CTDSP2: variants seen among roughly 807,000 people sequenced by gnomAD.
CTDSP2 encodes carboxy-terminal domain RNA polymerase II polypeptide A small phosphatase 2.
CTDSP2 carries 9 observed loss-of-function variants against 31.6 expected under a neutral mutation model. That is an observed-to-expected ratio of 0.28 (90% CI 0.17 to 0.50). CTDSP2 has a LOEUF of 0.50. Ranked by LOEUF, CTDSP2 falls within the 20% of genes least tolerant of loss-of-function variation. The pLI, the probability that CTDSP2 is intolerant of heterozygous loss-of-function variation, is 0.98. For synonymous variants in CTDSP2, 134 were observed against 134.5 expected (o/e 1.00, Z 0.03); for missense variants, 267 against 348.5 (o/e 0.77, Z 1.86).
Position 57,820,355 on chromosome 12 carries a change from A to G in CTDSP2, c.*3247T>C, listed in dbSNP as rs1956137254. ...AACTAAACCCGTTTAGGAAAAAGGGACCGAGGGACAGCAGTGGTTAAGTAA... is the reference window on the plus strand; with the variant it reads ...AACTAAACCCGTTTAGGAAAAAGGGGCCGAGGGACAGCAGTGGTTAAGTAA... On this transcript the variant is annotated 3_prime_UTR_variant, in exon 8 of 8. Coordinates refer to ENST00000398073, the MANE Select transcript of CTDSP2 (RefSeq NM_005730.4). The G allele has an allele frequency of 1.3e-5, 2 of 152,248 alleles. No homozygotes were observed. Among genetic ancestry groups the G allele is most frequent in the Admixed American group, 1.3e-4 (2 of 15,282 alleles). The allele number at this position is 152,248 out of a possible 1,614,324, so 9.4% of individuals were successfully genotyped here. A position where few individuals can be genotyped will look rare whatever the true frequency, so the allele number is the denominator to read the frequency against.
At chr12:57,834,305 A>G (rs912149559) in intron 1 of CTDSP2, among the ~76,000 whole-genome samples, 2 of 152,164 alleles carry the variant, frequency 1.3e-5, no homozygotes, top group African/African-American at 4.8e-5. Flanking sequence ...CTAGGACTAC[A>G]GTCTTCTTGG....
intron 4 of CTDSP2, 98 bp from the exon 5 acceptor site, chr12:57,826,500 A>T (rs1956184011): frequency 4.2e-6 from 5 of 1,183,626 alleles, no homozygotes; most frequent in Non-Finnish European, 5.0e-6. Context: ...GGTCTTAAAG[A>T]CTCCTGGAAG....
Position 57,822,324 on chromosome 12 carries a change from G to A in CTDSP2, c.*1278C>T, listed in dbSNP as rs1956151663. The A allele has an allele frequency of 6.6e-6, 1 of 152,226 alleles. No homozygotes were observed. The highest frequency in any genetic ancestry group is 2.4e-5 in the African/African-American group (1 of 41,452). The allele number at this position is 152,226 out of a possible 1,614,324, so 9.4% of individuals were successfully genotyped here. ...CCTTTGAAAGCAGGAGACACCCAGA[G>A]TGCAGGTCTGAGGGGCTCACTCACT... On this transcript the variant is annotated 3_prime_UTR_variant, in exon 8 of 8. Transcript: ENST00000398073.
intron 5 of CTDSP2, chr12:57,824,725 G>A: frequency 1.9e-6 from 1 of 531,354 alleles, no homozygotes; most frequent in Non-Finnish European, 3.8e-6. Flanking sequence ...GGCTCCGACA[G>A]GACAGTCTGT....
intron 4 of CTDSP2, 63 bp from the exon 5 acceptor site, chr12:57,826,465 A>AC: frequency 1.3e-6 from 2 of 1,483,554 alleles, no homozygotes; most frequent in Middle Eastern, 1.7e-4. Flanking sequence ...CCCCCACCAT[A>AC]CCCCTAGGTG....
Position 57,823,722 on chromosome 12 carries a change from A to G in CTDSP2, c.696T>C (p.Pro232=). The change falls in exon 8 of 8, where the codon CCT becomes CCC. Residue 232 remains proline, a synonymous_variant. Coordinates refer to ENST00000398073, the MANE Select transcript of CTDSP2 (RefSeq NM_005730.4). ...CCATGTCATCAAACCAGGACTGCACAGGCACCTGGTGGGGGGAAGATGTGG... is the reference window on the plus strand; with the variant it reads ...CCATGTCATCAAACCAGGACTGCACGGGCACCTGGTGGGGGGAAGATGTGG... The part of the protein sequence containing the change: ...SYIFHPENAV[P]VQSWFDDMAD... The G allele has an allele frequency of 6.2e-7, 1 of 1,613,964 alleles. No homozygotes were observed. The highest frequency in any genetic ancestry group is 8.5e-7 in the Non-Finnish European group (1 of 1,179,988).
chr12:57,827,380 T>C, intron 3 of CTDSP2, 172 bp downstream of exon 3: 1 of 705,066 alleles, frequency 1.4e-6, no homozygotes, highest in Non-Finnish European at 2.4e-6. Context: ...TCCCCTAAAA[T>C]CTAATGCCTT....
intron 1 of CTDSP2, among the ~76,000 whole-genome samples, chr12:57,832,150 T>A (rs1271458705): frequency 1.3e-5 from 2 of 152,216 alleles, no homozygotes; most frequent in African/African-American, 4.8e-5. Flanking sequence ...ATGCTCTCTC[T>A]CTCTCTCCTC....
rs192976196 is a variant in CTDSP2 at position 57,843,283 on chromosome 12, G to A, written c.64+3089C>T. 1.1e-3 allele frequency among the ~76,000 whole-genome samples: 161 copies of A among 152,230 alleles called. 1 individual carries two copies. Among genetic ancestry groups the A allele is most frequent in the African/African-American group, 3.7e-3 (152 of 41,540 alleles). ...AGCAATGGGGTGACAATCTCATATAGAGCTGCAATCAACAGCCATTCTTGC... is the reference window on the plus strand; with the variant it reads ...AGCAATGGGGTGACAATCTCATATAAAGCTGCAATCAACAGCCATTCTTGC... On this transcript the variant is annotated intron_variant, in intron 1 of 7. Coordinates refer to ENST00000398073, the MANE Select transcript of CTDSP2 (RefSeq NM_005730.4).
intron 1 of CTDSP2, among the ~76,000 whole-genome samples, chr12:57,839,589 G>T (rs916179443): frequency 6.6e-6 from 1 of 152,092 alleles, no homozygotes; most frequent in Non-Finnish European, 1.5e-5. Context: ...GTGGTGGCGG[G>T]CGCCTGTAGT....
Position 57,821,725 on chromosome 12 carries a change from G to T in CTDSP2, c.*1877C>A, listed in dbSNP as rs1956146219. On this transcript the variant is annotated 3_prime_UTR_variant, in exon 8 of 8. Coordinates refer to ENST00000398073, the MANE Select transcript of CTDSP2 (RefSeq NM_005730.4). The stretch of plus-strand genomic sequence containing the variant: ...GCACATGGGGTCCTTCTCCCTTTAG[G>T]TACACCGGGACCCCATAGGCACCGG... 1 of 152,168 alleles carries T rather than the reference G, an allele frequency of 6.6e-6. No individual in the cohort carries two copies. The highest frequency in any genetic ancestry group is 2.1e-4 in the South Asian group (1 of 4,830). The allele number at this position is 152,168 out of a possible 1,614,324, so 9.4% of individuals were successfully genotyped here.
chr12:57,842,816 A>ATTCAT (rs1252525857), intron 1 of CTDSP2: 1 of 152,204 alleles, frequency 6.6e-6, no homozygotes, highest in African/African-American at 2.4e-5. Context: ...CTATGGAAGG[A>ATTCAT]AGCTCCAGCA....
chr12:57,829,225 G>A (rs1246022219), intron 2 of CTDSP2, among the ~76,000 whole-genome samples: 1 of 152,188 alleles, frequency 6.6e-6, no homozygotes, highest in African/African-American at 2.4e-5. Context: ...CAGGATCACA[G>A]GGGCCCTCAG....
In CTDSP2 at chr12:57,823,497, G is replaced by A; in HGVS notation, c.*105C>T. 7.4e-7 allele frequency: 1 copy of A among 1,345,684 alleles called. No homozygotes were observed. The highest frequency in any genetic ancestry group is 1.0e-6 in the Non-Finnish European group (1 of 977,920). The allele number at this position is 1,345,684 out of a possible 1,614,324, so 83.4% of individuals were successfully genotyped here. A position where few individuals can be genotyped will look rare whatever the true frequency, so the allele number is the denominator to read the frequency against. ...TCCAGTTACTTCCCGCTGTTTCCGG[G>A]CCGTGTGGTGAGGCACTCCAGCTTC... On this transcript the variant is annotated 3_prime_UTR_variant, in exon 8 of 8. Transcript: ENST00000398073.
intron 1 of CTDSP2, among the ~76,000 whole-genome samples, chr12:57,841,450 G>A (rs1279553787): frequency 2.0e-5 from 3 of 152,132 alleles, no homozygotes; most frequent in Non-Finnish European, 2.9e-5. Flanking sequence ...CTGAATATTC[G>A]TTATATCCAT....
intron 1 of CTDSP2, among the ~76,000 whole-genome samples, chr12:57,838,338 A>T (rs1010247965): frequency 3.9e-5 from 6 of 152,192 alleles, no homozygotes; most frequent in African/African-American, 1.2e-4. Flanking sequence ...CTGCCTCAGC[A>T]GGAGACCCTG....
At chr12:57,831,451 CAA>C (rs1001347947) in intron 1 of CTDSP2, among the ~76,000 whole-genome samples, 6 of 144,194 alleles carry the variant, frequency 4.2e-5, no homozygotes, top group Non-Finnish European at 7.6e-5. Context: ...AGACTCGTCT[CAA>C]AAAAAAAAAG....
At chr12:57,831,835 T>G (rs2140478110) in intron 1 of CTDSP2, among the ~76,000 whole-genome samples, 1 of 152,280 alleles carries the variant, frequency 6.6e-6, no homozygotes, top group East Asian at 1.9e-4. Flanking sequence ...GACAATGTGG[T>G]AGGGGCTACC....
chr12:57,838,624 G>GT (rs1465264974), intron 1 of CTDSP2, among the ~76,000 whole-genome samples: 1 of 152,232 alleles, frequency 6.6e-6, no homozygotes, highest in Non-Finnish European at 1.5e-5. Flanking sequence ...TGATACAAAC[G>GT]TGAGCTGGAG....
Sources: gnomAD v4.1 joint callset for allele counts (sites outside exome capture counted in the v4.1 genomes callset) on GRCh38, gnomAD v4.1.1 for gene constraint, MANE v1.5 for transcripts, NCBI Gene and HGNC (gene_info 2026-07-23, HGNC 2026-07-21) for gene names.